ADGRD1: variants seen among roughly 807,000 people sequenced by gnomAD.
ADGRD1 encodes adhesion G protein-coupled receptor D1.
ADGRD1 carries 77 observed loss-of-function variants against 113.4 expected under a neutral mutation model. That is an observed-to-expected ratio of 0.68 (90% CI 0.57 to 0.82). ADGRD1 has a LOEUF of 0.82. Ranked by LOEUF, ADGRD1 falls within the 40% of genes least tolerant of loss-of-function variation. ADGRD1 has a pLI of 0.00. For missense variants in ADGRD1, 1,036 were observed against 1,139.1 expected (o/e 0.91, Z 1.30); for synonymous variants, 474 against 475.0 (o/e 1.00, Z 0.03).
chr12:130,997,453 G>A (rs1163686682), intron 8 of ADGRD1, among the ~76,000 whole-genome samples: 30 of 143,652 alleles, frequency 2.1e-4, no homozygotes, highest in Non-Finnish European at 3.6e-4. Flanking sequence ...CAGACGGGGC[G>A]GTTGCCAGGC....
rs1884250827 is a variant in ADGRD1 at position 131,060,767 on chromosome 12, C to A, written c.1474-16034C>A. Among the ~76,000 whole-genome samples, 1 of 152,126 alleles carries A rather than the reference C, an allele frequency of 6.6e-6. No individual in the cohort carries two copies. The highest frequency in any genetic ancestry group is 6.5e-5 in the Admixed American group (1 of 15,286). The stretch of plus-strand genomic sequence containing the variant: ...TCTTTTGATCAAAAACTTTGGGATG[C>A]GGAATGTAAAATCACTTATGATCTC... On this transcript the variant is annotated intron_variant, in intron 13 of 24. Transcript: ENST00000261654. This position sits in a 1 kb window ranked among gnomAD's most constrained non-coding sequence, Gnocchi z 4.4.
At chr12:131,111,585 G>C (rs1338813185) in intron 18 of ADGRD1, among the ~76,000 whole-genome samples, 1 of 151,882 alleles carries the variant, frequency 6.6e-6, no homozygotes, top group African/African-American at 2.4e-5. Context: ...TTACAGTACA[G>C]CTTCTAAGAC....
At chr12:131,036,796 G>C (rs1202779427) in intron 13 of ADGRD1, among the ~76,000 whole-genome samples, 1 of 127,728 alleles carries the variant, frequency 7.8e-6, no homozygotes, top group Non-Finnish European at 1.6e-5. Flanking sequence ...TCACGGCACT[G>C]GGTCTCACTC....
chr12:131,076,882 C>G lies in ADGRD1; in HGVS notation c.1547+8C>G. ...CGCCTTCCTGGACTTCAGGTACCCTCTGCACAGGGGAGAGCAGGTGGGCAT... is the reference window on the plus strand; with the variant it reads ...CGCCTTCCTGGACTTCAGGTACCCTGTGCACAGGGGAGAGCAGGTGGGCAT... On this transcript the variant is annotated splice_region_variant and intron_variant, in intron 14 of 24. Coordinates refer to ENST00000261654, the MANE Select transcript of ADGRD1 (RefSeq NM_198827.5). The G allele has an allele frequency of 6.2e-7, 1 of 1,612,774 alleles. No homozygotes were observed. Among genetic ancestry groups the G allele is most frequent in the Non-Finnish European group, 8.5e-7 (1 of 1,178,722 alleles).
chr12:131,068,132 A>G (rs1392782762), intron 13 of ADGRD1, among the ~76,000 whole-genome samples: 1 of 152,204 alleles, frequency 6.6e-6, no homozygotes, highest in East Asian at 1.9e-4. Context: ...ATCGGTCACC[A>G]TGGGGACCAG....
intron 2 of ADGRD1, among the ~76,000 whole-genome samples, chr12:130,955,109 A>G (rs973952644): frequency 3.7e-5 from 4 of 108,294 alleles, no homozygotes; most frequent in African/African-American, 7.2e-5. Flanking sequence ...ACAGGTGTGC[A>G]CCACTACACC....
chr12:131,014,434 C>A, intron 13 of ADGRD1, 94 bp downstream of exon 13: 1 of 1,203,472 alleles, frequency 8.3e-7, no homozygotes, highest in Non-Finnish European at 1.2e-6. Flanking sequence ...AAAGAATCTC[C>A]AACAGCCTTG....
chr12:131,046,658 T>C (rs1180630490), intron 13 of ADGRD1, among the ~76,000 whole-genome samples: 1 of 124,064 alleles, frequency 8.1e-6, no homozygotes, highest in Admixed American at 7.8e-5. Context: ...CCCTCCCTGG[T>C]CAGTGTCCTC....
intron 17 of ADGRD1, among the ~76,000 whole-genome samples, chr12:131,107,240 T>C (rs55807676): frequency 0.018 from 2,758 of 150,410 alleles, 33 homozygotes; most frequent in Middle Eastern, 0.059. Context: ...GACCTGTGTC[T>C]GAATCCCAGG....
chr12:131,031,169 G>T (rs985500861), intron 13 of ADGRD1, among the ~76,000 whole-genome samples: 1 of 152,172 alleles, frequency 6.6e-6, no homozygotes, highest in African/African-American at 2.4e-5. Context: ...GCCTTGGGGG[G>T]TCCTGTCGAA....
chr12:131,119,796 T>C (rs1950548685), intron 19 of ADGRD1, among the ~76,000 whole-genome samples: 1 of 152,242 alleles, frequency 6.6e-6, no homozygotes, highest in Admixed American at 6.5e-5. Context: ...CATCCTCAGA[T>C]GAGAGGTTTC....
At chr12:131,044,392 C>T (rs1197234214) in intron 13 of ADGRD1, among the ~76,000 whole-genome samples, 1 of 152,148 alleles carries the variant, frequency 6.6e-6, no homozygotes, top group Admixed American at 6.5e-5. Flanking sequence ...ACGAGTTCCC[C>T]CCTTGACAGG....
At position 131,096,484 on chromosome 12, in the gene ADGRD1, C is replaced by G. The variant is rs1216423008; in HGVS notation, c.1672-8347C>G. 6.6e-6 allele frequency among the ~76,000 whole-genome samples: 1 copy of G among 152,234 alleles called. No individual in the cohort carries two copies. Among genetic ancestry groups the G allele is most frequent in the African/African-American group, 2.4e-5 (1 of 41,454 alleles). On this transcript the variant is annotated intron_variant, in intron 15 of 24. Transcript: ENST00000261654. This position sits in a 1 kb window ranked among gnomAD's most constrained non-coding sequence, Gnocchi z 5.2. Reference sequence around the variant, plus strand: ...CTTCTCAGGGTACACAGAGCCACATCTCCCGTGTTAACCACTGCATAGCTC... The same window carrying G: ...CTTCTCAGGGTACACAGAGCCACATGTCCCGTGTTAACCACTGCATAGCTC...
chr12:130,964,030 C>T (rs1870723961), intron 2 of ADGRD1, among the ~76,000 whole-genome samples: 1 of 152,134 alleles, frequency 6.6e-6, no homozygotes, highest in Admixed American at 6.5e-5. Flanking sequence ...CAAGGTTGGG[C>T]ATCACTTGAT....
Position 131,108,785 on chromosome 12 carries a change from T to C in ADGRD1, c.1949T>C (p.Met650Thr), listed in dbSNP as rs746257577. The change falls in exon 18 of 25, where the codon ATG (methionine) becomes ACG (threonine). Residue 650 changes from methionine (M) to threonine (T), a missense_variant. Transcript: ENST00000261654. ...TTCTTCCTGAGTGCCTTCGCATGGA[T>C]GCTGGTGGAGGGGCTGCACCTCTAC... is the stretch of plus-strand genomic sequence containing the variant. ...HYFFLSAFAWMLVEGLHLYSM... is the reference protein window; with the variant it reads ...HYFFLSAFAWTLVEGLHLYSM... The C allele has an allele frequency of 1.2e-6, 2 of 1,613,972 alleles. No individual in the cohort carries two copies. Among genetic ancestry groups the C allele is most frequent in the African/African-American group, 2.7e-5 (2 of 74,872 alleles).
intron 20 of ADGRD1, among the ~76,000 whole-genome samples, chr12:131,129,158 G>C (rs1284193189): frequency 2.9e-5 from 4 of 137,566 alleles, no homozygotes; most frequent in African/African-American, 1.1e-4. Flanking sequence ...CCGCCCTGCT[G>C]TCTGAGTGTG....
At chr12:131,115,939 T>C (rs1397004226) in intron 18 of ADGRD1, among the ~76,000 whole-genome samples, 1 of 152,204 alleles carries the variant, frequency 6.6e-6, no homozygotes, top group Admixed American at 6.5e-5. Flanking sequence ...TGGTTCCTTG[T>C]AGATGCACAG....
chr12:130,995,655 A>C (rs1251678517), intron 8 of ADGRD1, among the ~76,000 whole-genome samples: 1 of 152,028 alleles, frequency 6.6e-6, no homozygotes, highest in East Asian at 1.9e-4. Context: ...ACTGATTCTG[A>C]TTTTGCAAGA....
intron 15 of ADGRD1, among the ~76,000 whole-genome samples, chr12:131,087,507 G>T (rs936788593): frequency 6.6e-6 from 1 of 152,248 alleles, no homozygotes. Context: ...CTTGCGTGCC[G>T]GGGCTTTCCG....
Sources: gnomAD v4.1 joint callset for allele counts (sites outside exome capture counted in the v4.1 genomes callset) on GRCh38, gnomAD v4.1.1 for gene constraint, Gnocchi (gnomAD v3.1) non-coding constraint, MANE v1.5 for transcripts, NCBI Gene and HGNC (gene_info 2026-07-23, HGNC 2026-07-21) for gene names.